Variants in DENND1A observed in about 807,000 individuals in gnomAD.
DENND1A encodes DENN domain containing 1A.
A neutral mutation model predicts 113.7 loss-of-function variants in DENND1A; 51 were observed. The ratio of observed to expected loss-of-function variants is 0.45; its 90% CI spans 0.36 to 0.57. DENND1A has a LOEUF of 0.57. Ranked by LOEUF, DENND1A falls within the 20% of genes least tolerant of loss-of-function variation. DENND1A has a pLI of 0.00. For missense variants in DENND1A, 1,258 were observed against 1,395.9 expected (o/e 0.90, Z 1.57); for synonymous variants, 565 against 570.8 (o/e 0.99, Z 0.14).
intron 13 of DENND1A, among the ~76,000 whole-genome samples, chr9:123,481,740 G>C (rs558173824): frequency 8.6e-5 from 13 of 151,964 alleles, no homozygotes; most frequent in African/African-American, 3.1e-4. Context: ...CAGAAAAGGG[G>C]TGTCAGCTTT....
At chr9:123,785,423 T>C (rs1831991023) in intron 3 of DENND1A, among the ~76,000 whole-genome samples, 1 of 152,086 alleles carries the variant, frequency 6.6e-6, no homozygotes, top group Non-Finnish European at 1.5e-5. Flanking sequence ...ACCTTGACAT[T>C]TGTCCAAGGT....
At chr9:123,512,455 C>T (rs868696173) in intron 13 of DENND1A, among the ~76,000 whole-genome samples, 2 of 152,218 alleles carry the variant, frequency 1.3e-5, no homozygotes, top group African/African-American at 4.8e-5. Context: ...CGGGCAAGAA[C>T]AGCATCCTGG....
chr9:123,490,768 TTAA>T (rs1324423430), intron 13 of DENND1A, among the ~76,000 whole-genome samples: 2 of 152,362 alleles, frequency 1.3e-5, no homozygotes, highest in African/African-American at 2.4e-5. Flanking sequence ...TAGAAAATTA[TTAA>T]TGAGAGTTAC....
chr9:123,913,597 G>A (rs1854470038), intron 1 of DENND1A, among the ~76,000 whole-genome samples: 1 of 152,072 alleles, frequency 6.6e-6, no homozygotes, highest in Non-Finnish European at 1.5e-5. Context: ...AGAAGAGAAA[G>A]AATACTGCTT....
At chr9:123,482,774 A>C (rs1287125873) in intron 13 of DENND1A, among the ~76,000 whole-genome samples, 1 of 152,222 alleles carries the variant, frequency 6.6e-6, no homozygotes, top group Non-Finnish European at 1.5e-5. Context: ...CATTCCTGGG[A>C]AAGTAACCTG....
intron 1 of DENND1A, among the ~76,000 whole-genome samples, chr9:123,920,267 T>G (rs2134148170): frequency 6.6e-6 from 1 of 152,104 alleles, no homozygotes. Flanking sequence ...CCGTCTCTAC[T>G]AAAAGTACGA....
At position 123,728,559 on chromosome 9, in the gene DENND1A, G is replaced by C. The variant is rs2067922368; in HGVS notation, c.302+29144C>G. ...AGTCATTTTATACATTCAATCCAAT[G>C]TCAAACCAAATCACAGTGGGATTTT... On this transcript the variant is annotated intron_variant, in intron 5 of 23. Transcript: ENST00000394215. 2.2e-5 allele frequency among the ~76,000 whole-genome samples: 3 copies of C among 138,110 alleles called. No individual in the cohort carries two copies. In the South Asian group the frequency reaches 7.0e-4, roughly 32 times the overall value. The allele number at this position is 138,110 out of a possible 152,430, so 90.6% of individuals were successfully genotyped here.
At chr9:123,502,316 C>CCTGA (rs142134340) in intron 13 of DENND1A, among the ~76,000 whole-genome samples, 46,534 of 151,624 alleles carry the variant, frequency 0.31, 7,113 homozygotes, top group South Asian at 0.37. Flanking sequence ...TCTAGAGAAC[C>CCTGA]CTAATACAGG....
Position 123,390,682 on chromosome 9 carries a change from G to A in DENND1A, c.1632-2824C>T, listed in dbSNP as rs138811040. Among the ~76,000 whole-genome samples the A allele has an allele frequency of 1.7e-4, 26 of 152,360 alleles. No individual in the cohort carries two copies. In the East Asian group the frequency reaches 4.6e-3, roughly 27 times the overall value. On this transcript the variant is annotated intron_variant, in intron 21 of 23. Transcript: ENST00000394215. ...TGTGCACTGGGGCATCACTGGTGAA[G>A]AGGTGACCACGTGGCCAAGAAGTGG...
chr9:123,883,546 T>C (rs1848601623), intron 1 of DENND1A, among the ~76,000 whole-genome samples: 1 of 152,182 alleles, frequency 6.6e-6, no homozygotes, highest in Admixed American at 6.5e-5. Flanking sequence ...CTCCAAGTCA[T>C]CCTGATGCTG....
intron 1 of DENND1A, among the ~76,000 whole-genome samples, chr9:123,904,155 G>A (rs1019338270): frequency 2.9e-4 from 44 of 152,138 alleles, no homozygotes; most frequent in Non-Finnish European, 4.9e-4. Context: ...ACCTGCAGCT[G>A]AGGGTCCTGT....
At chr9:123,445,968 C>T (rs118162128) in intron 18 of DENND1A, among the ~76,000 whole-genome samples, 2 of 152,346 alleles carry the variant, frequency 1.3e-5, no homozygotes, top group East Asian at 1.9e-4. Flanking sequence ...CTCCTTCCAA[C>T]GATCCAGCAA....
chr9:123,900,558 G>A lies in DENND1A; in HGVS notation c.18-21537C>T, dbSNP rs568327350. On this transcript the variant is annotated intron_variant, in intron 1 of 23. Transcript: ENST00000394215. ...AAGAATGAGCAGAAGTTAAACAAGG[G>A]AATCTACACGTGTGATTAAGGTGAG... Among the ~76,000 whole-genome samples the A allele has an allele frequency of 4.0e-5, 6 of 151,628 alleles. No individual in the cohort carries two copies. The South Asian group carries it at 1.3e-3, about 32-fold the overall frequency.
At chr9:123,387,893 G>A (rs964269571) in intron 21 of DENND1A, 35 bp from the exon 22 acceptor site, 1 of 1,282,572 alleles carries the variant, frequency 7.8e-7, no homozygotes, top group Non-Finnish European at 1.0e-6. Context: ...AAGAGAACAG[G>A]CAGTTAGGGG....
chr9:123,505,729 C>T (rs931785675), intron 13 of DENND1A, among the ~76,000 whole-genome samples: 2 of 152,010 alleles, frequency 1.3e-5, no homozygotes, highest in African/African-American at 4.8e-5. Context: ...ACAACCGTTC[C>T]ACTTAAAAGC....
intron 5 of DENND1A, among the ~76,000 whole-genome samples, chr9:123,735,318 C>T (rs978996425): frequency 7.9e-5 from 12 of 152,198 alleles, no homozygotes; most frequent in Admixed American, 5.2e-4. Context: ...CTCTCTCTCT[C>T]GCAACCCTTT....
intron 2 of DENND1A, among the ~76,000 whole-genome samples, chr9:123,812,713 T>C (rs1240090393): frequency 6.6e-6 from 1 of 152,224 alleles, no homozygotes; most frequent in Non-Finnish European, 1.5e-5. Flanking sequence ...TCATAATCTT[T>C]TTAAATGACT....
chr9:123,487,011 G>C (rs1181412276), intron 13 of DENND1A, among the ~76,000 whole-genome samples: 3 of 152,206 alleles, frequency 2.0e-5, no homozygotes, highest in Admixed American at 6.5e-5. Flanking sequence ...TCCACTGAGA[G>C]TTGCTGCACA....
intron 13 of DENND1A, among the ~76,000 whole-genome samples, chr9:123,516,884 C>CAAAAAAAAAAAAAAAAAAAAAA (rs546001517): frequency 1.3e-4 from 12 of 93,382 alleles, no homozygotes; most frequent in South Asian, 3.6e-4. Context: ...GACTCTGTCT[C>CAAAAAAAAAAAAAAAAAAAAAA]AAAAAAAAAA....
Sources: allele counts gnomAD v4.1 joint callset (sites outside exome capture counted in the v4.1 genomes callset), GRCh38; gene constraint gnomAD v4.1.1; transcripts MANE v1.5; gene names NCBI Gene and HGNC (gene_info 2026-07-23, HGNC 2026-07-21).